Variants in STAC3 observed in about 807,000 individuals in gnomAD.
The protein encoded by STAC3 is SH3 and cysteine-rich domain-containing protein 3.
In STAC3, 30 loss-of-function variants were observed where a neutral mutation model predicts 48.5. That is an observed-to-expected ratio of 0.62 (90% CI 0.46 to 0.84). STAC3 has a LOEUF of 0.84. STAC3 is among the 40% of genes least tolerant of loss of function. STAC3 has a pLI of 0.00. For synonymous variants in STAC3, 144 were observed against 158.6 expected (o/e 0.91, Z 0.69); for missense variants, 419 against 462.6 (o/e 0.91, Z 0.86).
In STAC3 at chr12:57,244,502, C is replaced by T. The variant is rs750207291; in HGVS notation, c.806+35G>A. ...GGAACCCAGCTCTTTCCTCTTCACT[C>T]CGCAGTACCAGCCCCCTGCCCCAAG... is the stretch of plus-strand genomic sequence containing the variant. On this transcript the variant is annotated intron_variant, in intron 9 of 11. Coordinates refer to ENST00000332782, the MANE Select transcript of STAC3 (RefSeq NM_145064.3). The T allele has an allele frequency of 6.2e-6, 10 of 1,613,540 alleles. 1 individual carries two copies. The South Asian group carries it at 1.1e-4, about 18-fold the overall frequency.
At position 57,248,563 on chromosome 12, in the gene STAC3, C is replaced by T. The variant is rs184042741; in HGVS notation, c.432+143G>A. The stretch of plus-strand genomic sequence containing the variant: ...CCGGCTAATTTTTTGTATTTAGAGA[C>T]GGGGTTTCACTGTGTTAGCCAGGAT... On this transcript the variant is annotated intron_variant, in intron 4 of 11. Transcript: ENST00000332782. The T allele has an allele frequency of 8.4e-3, 5,463 of 650,044 alleles. 52 individuals carry two copies. Among genetic ancestry groups the T allele is most frequent in the Non-Finnish European group, 8.8e-3 (3,229 of 367,588 alleles). The allele number at this position is 650,044 out of a possible 1,614,324, so 40.3% of individuals were successfully genotyped here.
At position 57,251,073 on chromosome 12, in the gene STAC3, A is replaced by G. The variant is rs1259861302; in HGVS notation, c.-82T>C. The stretch of plus-strand genomic sequence containing the variant: ...GCCTTGATGGTGGTGCTGGGGAAAA[A>G]CTGGTCCTCTTCCTTGGGGGCTAAG... On this transcript the variant is annotated 5_prime_UTR_variant, in exon 1 of 12. Coordinates refer to ENST00000332782, the MANE Select transcript of STAC3 (RefSeq NM_145064.3). 4 of 440,558 alleles carry G rather than the reference A, an allele frequency of 9.1e-6. No homozygotes were observed. Among genetic ancestry groups the G allele is most frequent in the Non-Finnish European group, 1.8e-5 (4 of 217,460 alleles). The allele number at this position is 440,558 out of a possible 1,614,324, so 27.3% of individuals were successfully genotyped here.
At chr12:57,247,708 C>T (rs193138645) in intron 5 of STAC3, among the ~76,000 whole-genome samples, 93 of 152,228 alleles carry the variant, frequency 6.1e-4, no homozygotes, top group African/African-American at 1.7e-3. Context: ...CAAACGTGAG[C>T]CACCGCGCCC....
At chr12:57,246,388 TTCC>T (rs1349723312) in intron 6 of STAC3, among the ~76,000 whole-genome samples, 1 of 120,196 alleles carries the variant, frequency 8.3e-6, no homozygotes, top group Non-Finnish European at 1.9e-5. Flanking sequence ...CCTTCCTTCC[TTCC>T]TTTTTTTTTT....
intron 8 of STAC3, 116 bp from the exon 9 acceptor site, chr12:57,244,738 C>T: frequency 7.0e-7 from 1 of 1,427,632 alleles, no homozygotes; most frequent in Non-Finnish European, 9.8e-7. Flanking sequence ...TTCTAGGTCC[C>T]TGAACTGAGA....
chr12:57,246,722 CT>C (rs1186815693), intron 6 of STAC3, 81 bp downstream of exon 6: 1 of 1,310,852 alleles, frequency 7.6e-7, no homozygotes, highest in African/African-American at 1.5e-5. Context: ...CAATCCATTA[CT>C]TCTGTCAGCT....
At chr12:57,247,670 G>A (rs549310761) in intron 5 of STAC3, among the ~76,000 whole-genome samples, 9 of 151,922 alleles carry the variant, frequency 5.9e-5, no homozygotes, top group African/African-American at 1.7e-4. Flanking sequence ...TGATCCACCC[G>A]CCTCGGCCTC....
chr12:57,247,416 A>ATTTTTTTTTTTTTT (rs1565781925), intron 5 of STAC3, among the ~76,000 whole-genome samples: 1 of 47,990 alleles, frequency 2.1e-5, no homozygotes. Context: ...TATTATTATT[A>ATTTTTTTTTTTTTT]TTATTATTAT....
At chr12:57,246,974 G>A (rs2037756481) in intron 5 of STAC3, 73 bp from the exon 6 acceptor site, 2 of 1,432,462 alleles carry the variant, frequency 1.4e-6, no homozygotes, top group Admixed American at 3.4e-5. Context: ...GAAGGGAGAG[G>A]TGGGATTGAG....
At chr12:57,246,760 A>G (rs377360586) in intron 6 of STAC3, 44 bp downstream of exon 6, 4 of 1,548,078 alleles carry the variant, frequency 2.6e-6, no homozygotes, top group Non-Finnish European at 3.6e-6. Context: ...GACCTGCTCC[A>G]TGGGATCTCT....
intron 6 of STAC3, among the ~76,000 whole-genome samples, 166 bp downstream of exon 6, chr12:57,246,638 G>A (rs370968540): frequency 2.0e-5 from 3 of 151,956 alleles, no homozygotes; most frequent in African/African-American, 4.8e-5. Context: ...TGCCCACCTC[G>A]GCCTCCCAAA....
At chr12:57,245,068 T>C in intron 7 of STAC3, 77 bp downstream of exon 7, 1 of 1,605,860 alleles carries the variant, frequency 6.2e-7, no homozygotes. Context: ...TGGCCTGCCC[T>C]TTGCTCCTCC....
chr12:57,244,201 A>C lies in STAC3; in HGVS notation c.883T>G (p.Phe295Val). The C allele has an allele frequency of 1.9e-6, 3 of 1,614,100 alleles. No homozygotes were observed. The highest frequency in any genetic ancestry group is 2.5e-6 in the Non-Finnish European group (3 of 1,180,016). Residue 295 changes from phenylalanine to valine, a missense_variant, in exon 11 of 12, where the codon TTT becomes GTT. Coordinates refer to ENST00000332782, the MANE Select transcript of STAC3 (RefSeq NM_145064.3). ...WRGKIGEKVG[F>V]FPPNFIIRVR... ...CGAATGATGAAGTTTGGAGGGAAAA[A>C]TCCGACCTTCTCCCCGATTTTCCCC...
chr12:57,246,730 A>G lies in STAC3; in HGVS notation c.603+74T>C, dbSNP rs375665050. 65 of 1,385,630 alleles carry G rather than the reference A, an allele frequency of 4.7e-5. No homozygotes were observed. The East Asian group carries it at 1.0e-3, about 22-fold the overall frequency. The allele number at this position is 1,385,630 out of a possible 1,614,324, so 85.8% of individuals were successfully genotyped here. A position where few individuals can be genotyped will look rare whatever the true frequency, so the allele number is the denominator to read the frequency against. On this transcript the variant is annotated intron_variant, in intron 6 of 11. Transcript: ENST00000332782. ...GGGAAGACAATCCATTACTTCTGTCAGCTTTCCAAATGGGAAAATGACCTG... is the reference window on the plus strand; with the variant it reads ...GGGAAGACAATCCATTACTTCTGTCGGCTTTCCAAATGGGAAAATGACCTG...
In STAC3 at chr12:57,248,755, T is replaced by A. The variant is rs558371235; in HGVS notation, c.383A>T (p.His128Leu). The A allele has an allele frequency of 1.2e-6, 2 of 1,614,106 alleles. No homozygotes were observed. Among genetic ancestry groups the A allele is most frequent in the African/African-American group, 2.7e-5 (2 of 75,050 alleles). ...TTCCACATAGGACTGACAGTGTTCA[T>A]GGATGTTGGTTTTGCAGTTCTTACA... The part of the protein sequence containing the change: ...LRCKNCKTNI[H>L]EHCQSYVEMQ... The change falls in exon 4 of 12, where the codon CAT becomes CTT. Residue 128 changes from histidine to leucine, a missense_variant. By Grantham distance (99) the His-to-Leu change is moderately conservative. Transcript: ENST00000332782.
Position 57,243,715 on chromosome 12 carries a change from T to C in STAC3, c.*97A>G. On this transcript the variant is annotated 3_prime_UTR_variant, in exon 12 of 12. Transcript: ENST00000332782. ...CAGGCGGGCCTTCCTACCCCTCCTCTCCCAGCAGTCCCGTTGCTTTCGCCC... is the reference window on the plus strand; with the variant it reads ...CAGGCGGGCCTTCCTACCCCTCCTCCCCCAGCAGTCCCGTTGCTTTCGCCC... 1.7e-6 allele frequency: 2 copies of C among 1,162,592 alleles called. No homozygotes were observed. Among genetic ancestry groups the C allele is most frequent in the South Asian group, 1.3e-5 (1 of 76,636 alleles). The allele number at this position is 1,162,592 out of a possible 1,614,324, so 72.0% of individuals were successfully genotyped here.
chr12:57,248,134 T>G lies in STAC3; in HGVS notation c.497A>C (p.Lys166Thr). The G allele has an allele frequency of 6.2e-7, 1 of 1,613,820 alleles. No homozygotes were observed. The highest frequency in any genetic ancestry group is 8.5e-7 in the Non-Finnish European group (1 of 1,179,716). Residue 166 changes from lysine (K) to threonine (T), a missense_variant, in exon 5 of 12, where the codon AAA becomes ACA. Transcript: ENST00000332782. ...LYSNQQYACVKDLSAANRNDP... is the reference protein window; with the variant it reads ...LYSNQQYACVTDLSAANRNDP... ...CCATAAAGGGCACTTACAGAGATCT[T>G]TGACACAAGCGTACTGCTGGTTGCT...
Position 57,249,268 on chromosome 12 carries a change from C to T in STAC3, c.107G>A (p.Gly36Glu), listed in dbSNP as rs779086459. The T allele has an allele frequency of 6.2e-7, 1 of 1,607,780 alleles. No individual in the cohort carries two copies. The highest frequency in any genetic ancestry group is 2.2e-5 in the East Asian group (1 of 44,808). ...TGGGGGAAGTTCCATCTCCTTTGTC[C>T]CTGTAGAACCCTTCCTGAGTAACTG... Reference protein sequence around the residue: ...LKQLLRKGSTGTKEMELPPEP... With the variant: ...LKQLLRKGSTETKEMELPPEP... Residue 36 changes from glycine (G) to glutamate (E), a missense_variant, in exon 3 of 12, where the codon GGG becomes GAG. Coordinates refer to ENST00000332782, the MANE Select transcript of STAC3 (RefSeq NM_145064.3).
At chr12:57,244,453 T>TCC in intron 9 of STAC3, 84 bp downstream of exon 9, 1 of 1,611,708 alleles carries the variant, frequency 6.2e-7, no homozygotes, top group Non-Finnish European at 8.5e-7. Context: ...AAGCCCTGAG[T>TCC]CCCCCCTTTT....
Sources: allele counts gnomAD v4.1 joint callset (sites outside exome capture counted in the v4.1 genomes callset), GRCh38; gene constraint gnomAD v4.1.1; transcripts MANE v1.5; gene names NCBI Gene and HGNC (gene_info 2026-07-23, HGNC 2026-07-21).